The following WDR97 variants were observed in gnomAD, a reference collection of about 807,000 sequenced individuals.
The protein encoded by WDR97 is WD repeat domain 97, also known as WD repeat-containing protein 97.
A neutral mutation model predicts 65.4 loss-of-function variants in WDR97; 111 were observed. The ratio of observed to expected loss-of-function variants is 1.70; its 90% CI spans 1.45 to 1.99. The LOEUF (loss-of-function observed/expected upper bound fraction) is 1.99, where lower values mean the gene tolerates loss of function less well. Among genes scored for constraint, WDR97 ranks in the 30% most tolerant of loss-of-function variants. The pLI is 0.00. For synonymous variants in WDR97, 802 were observed against 397.7 expected (o/e 2.02, Z -12.10); for missense variants, 1,674 against 865.0 (o/e 1.94, Z -11.73).
In WDR97 at chr8:144,111,112, G is replaced by A. The variant is rs1443522981; in HGVS notation, c.2316G>A (p.Arg772=). 1.4e-6 allele frequency: 1 copy of A among 702,664 alleles called. No individual in the cohort carries two copies. The highest frequency in any genetic ancestry group is 2.6e-6 in the Non-Finnish European group (1 of 385,002). The allele number at this position is 702,664 out of a possible 1,614,324, so 43.5% of individuals were successfully genotyped here. A position where few individuals can be genotyped will look rare whatever the true frequency, so the allele number is the denominator to read the frequency against. Residue 772 remains arginine (R), a synonymous_variant, in exon 10 of 24, where the codon CGG becomes CGA. Coordinates refer to ENST00000323662, the MANE Select transcript of WDR97 (RefSeq NM_001316309.2). ...PTSYLVKKMC[R]KAPDVVDDPP... The stretch of plus-strand genomic sequence containing the variant: ...CTTCCCCTATTCAGAAGATGTGCCG[G>A]AAGGCCCCAGACGTGGTGGACGACC...
rs1293056403 is a variant in WDR97, at chr8:144,114,374, G to A, written c.3691G>A (p.Val1231Met). 1.4e-6 allele frequency: 1 copy of A among 702,794 alleles called. No individual in the cohort carries two copies. The highest frequency in any genetic ancestry group is 2.0e-5 in the Admixed American group (1 of 50,010). 43.5% of individuals were successfully genotyped at this position (702,794 alleles called of 1,614,324 possible). ...TWVDRVHILQ[V>M]LLRLLPNMSS... ...GGTCGACCGTGTGCACATCCTGCAGGTGCTACTGAGACTGCTGCCCAACAT... is the reference window on the plus strand; with the variant it reads ...GGTCGACCGTGTGCACATCCTGCAGATGCTACTGAGACTGCTGCCCAACAT... Residue 1231 changes from valine to methionine, a missense_variant, in exon 19 of 24, where the codon GTG becomes ATG. By Grantham distance (21) the Val-to-Met change is conservative (BLOSUM62 1). Transcript: ENST00000323662.
In WDR97 at chr8:144,116,297, G is replaced by C; in HGVS notation, c.*4G>C. ...GGACCCTGACACCTACAGCTGACCG[G>C]ACTGGTGGCCTCAGCCCGCCTGGCT... On this transcript the variant is annotated 3_prime_UTR_variant, in exon 24 of 24. Coordinates refer to ENST00000323662, the MANE Select transcript of WDR97 (RefSeq NM_001316309.2). The C allele has an allele frequency of 3.2e-6, 2 of 616,994 alleles. No individual in the cohort carries two copies. Among genetic ancestry groups the C allele is most frequent in the Non-Finnish European group, 5.9e-6 (2 of 341,492 alleles). The allele number at this position is 616,994 out of a possible 1,614,324, so 38.2% of individuals were successfully genotyped here. A position where few individuals can be genotyped will look rare whatever the true frequency, so the allele number is the denominator to read the frequency against.
intron 12 of WDR97, 44 bp from the exon 13 acceptor site, chr8:144,111,843 C>T: frequency 1.4e-6 from 1 of 699,374 alleles, no homozygotes; most frequent in South Asian, 1.5e-5. Context: ...ACCCACCCCT[C>T]CCACCTGGTC....
chr8:144,109,376 G>T lies in WDR97; in HGVS notation c.1042G>T (p.Val348Leu), dbSNP rs1488678007. Reference protein sequence around the residue: ...AMTVLPNTTLVLSASQDGTLR... With the variant: ...AMTVLPNTTLLLSASQDGTLR... ...GACTGTGCTCCCGAACACGACCCTG[G>T]TGTTGTCGGCCTCGCAGGACGGGAC... Residue 348 changes from valine to leucine, a missense_variant, in exon 5 of 24, where the codon GTG becomes TTG. Val to Leu is a conservative substitution (Grantham distance 32, BLOSUM62 1). Transcript: ENST00000323662. 2 of 702,540 alleles carry T rather than the reference G, an allele frequency of 2.8e-6. No individual in the cohort carries two copies. Among genetic ancestry groups the T allele is most frequent in the African/African-American group, 3.5e-5 (2 of 57,276 alleles). The allele number at this position is 702,540 out of a possible 1,614,324, so 43.5% of individuals were successfully genotyped here.
At position 144,107,993 on chromosome 8, in the gene WDR97, C is replaced by A. The variant is rs149085867; in HGVS notation, c.113-66C>A. On this transcript the variant is annotated intron_variant, in intron 1 of 23. Transcript: ENST00000323662. Reference sequence around the variant, plus strand: ...AGGGCAGGGCCCCTGGAGGAGGGCTCCCCATAACCGTCAGGGTCGAGGACC... The same window carrying A: ...AGGGCAGGGCCCCTGGAGGAGGGCTACCCATAACCGTCAGGGTCGAGGACC... The A allele has an allele frequency of 5.1e-4, 357 of 702,160 alleles. No individual in the cohort carries two copies. The African/African-American group carries it at 5.5e-3, about 11-fold the overall frequency. The allele number at this position is 702,160 out of a possible 1,614,324, so 43.5% of individuals were successfully genotyped here.
rs1836489674 is a variant in WDR97, at chr8:144,109,324, C to T, written c.1001-11C>T. 1 of 701,608 alleles carries T rather than the reference C, an allele frequency of 1.4e-6. No individual in the cohort carries two copies. Among genetic ancestry groups the T allele is most frequent in the African/African-American group, 1.7e-5 (1 of 57,266 alleles). The allele number at this position is 701,608 out of a possible 1,614,324, so 43.5% of individuals were successfully genotyped here. A position where few individuals can be genotyped will look rare whatever the true frequency, so the allele number is the denominator to read the frequency against. ...CTTCAGTCGGCCGAGTGACCTGCACCCCTCCCACAGGCCCGGTGACGGCTA... is the reference window on the plus strand; with the variant it reads ...CTTCAGTCGGCCGAGTGACCTGCACTCCTCCCACAGGCCCGGTGACGGCTA... On this transcript the variant is annotated splice_polypyrimidine_tract_variant and intron_variant, in intron 4 of 23. Coordinates refer to ENST00000323662, the MANE Select transcript of WDR97 (RefSeq NM_001316309.2).
At chr8:144,115,892 G>A (rs1337041418) in intron 22 of WDR97, 34 bp downstream of exon 22, 69 of 699,168 alleles carry the variant, frequency 9.9e-5, no homozygotes, top group Non-Finnish European at 5.2e-6. Context: ...GGCCTGCGTG[G>A]GGCAGCCAAG....
intron 15 of WDR97, chr8:144,113,208 C>G: frequency 1.8e-6 from 1 of 567,182 alleles, no homozygotes; most frequent in Non-Finnish European, 3.1e-6. Context: ...CCAGGTTTCC[C>G]TTCTCGTTTG....
chr8:144,115,720 C>A lies in WDR97; in HGVS notation c.4457C>A (p.Ala1486Glu). The change falls in exon 22 of 24, where the codon GCG (alanine) becomes GAG (glutamate). Residue 1486 changes from alanine to glutamate, a missense_variant. Transcript: ENST00000323662. ...SQLLDLGPID[A>E]LNFFCEQLRA... ...CTGCTGGACTTGGGCCCCATCGACG[C>A]GCTCAACTTCTTCTGTGAGCAGCTG... The A allele has an allele frequency of 2.9e-6, 2 of 701,690 alleles. No individual in the cohort carries two copies. The highest frequency in any genetic ancestry group is 4.0e-5 in the Admixed American group (2 of 49,936). The allele number at this position is 701,690 out of a possible 1,614,324, so 43.5% of individuals were successfully genotyped here.
chr8:144,116,828 A>C lies in WDR97; in HGVS notation c.*535A>C, dbSNP rs1814758742. ...AGCTTTTTTCTGAGCGGCAACGCAGAGCATCCTCTGACCCCTTTAGCCTGA... is the reference window on the plus strand; with the variant it reads ...AGCTTTTTTCTGAGCGGCAACGCAGCGCATCCTCTGACCCCTTTAGCCTGA... On this transcript the variant is annotated 3_prime_UTR_variant, in exon 24 of 24. Coordinates refer to ENST00000323662, the MANE Select transcript of WDR97 (RefSeq NM_001316309.2). 6.6e-6 allele frequency: 1 copy of C among 152,422 alleles called. No individual in the cohort carries two copies. Among genetic ancestry groups the C allele is most frequent in the Admixed American group, 6.5e-5 (1 of 15,286 alleles). 9.4% of individuals were successfully genotyped at this position (152,422 alleles called of 1,614,324 possible).
intron 15 of WDR97, 149 bp downstream of exon 15, chr8:144,112,679 C>T: frequency 1.6e-6 from 1 of 642,220 alleles, no homozygotes; most frequent in Non-Finnish European, 2.8e-6. Context: ...TGTAGCCTCC[C>T]ACGCACCCCT....
rs1836542795 is a variant in WDR97, at chr8:144,111,242, AGCCCTCCTGGAG to A, written c.2426+29_2426+40del. ...CCTCAGGTCCCATGCAGGCCTGCTCAGCCCTCCTGGAGGCCCTCCTTTCCCACTCTGGGTGGG... is the reference window on the plus strand; with the variant it reads ...CCTCAGGTCCCATGCAGGCCTGCTCAGCCCTCCTTTCCCACTCTGGGTGGG... On this transcript the variant is annotated intron_variant, in intron 10 of 23. Transcript: ENST00000323662. 1 of 702,646 alleles carries A rather than the reference AGCCCTCCTGGAG, an allele frequency of 1.4e-6. No individual in the cohort carries two copies. Among genetic ancestry groups the A allele is most frequent in the East Asian group, 2.7e-5 (1 of 37,274 alleles). The allele number at this position is 702,646 out of a possible 1,614,324, so 43.5% of individuals were successfully genotyped here.
Position 144,116,157 on chromosome 8 carries a change from CG to C in WDR97, c.4734del (p.Leu1579CysfsTer97). ...LDGPIRTLKL[P>X]LPRVEPQPFP... ...GGCCCCATCCGGACGCTGAAGCTGCCGTTGCCGCGTGTGGAGCCGCAGCCTT... is the reference window on the plus strand; with the variant it reads ...GGCCCCATCCGGACGCTGAAGCTGCCTTGCCGCGTGTGGAGCCGCAGCCTT... On this transcript the variant is annotated frameshift_variant, in exon 24 of 24. Transcript: ENST00000323662. LOFTEE classifies it low-confidence loss of function (END_TRUNC). 1 of 700,456 alleles carries C rather than the reference CG, an allele frequency of 1.4e-6. No homozygotes were observed. Among genetic ancestry groups the C allele is most frequent in the South Asian group, 1.5e-5 (1 of 67,368 alleles). The allele number at this position is 700,456 out of a possible 1,614,324, so 43.4% of individuals were successfully genotyped here.
Position 144,109,728 on chromosome 8 carries a change from T to C in WDR97, c.1394T>C (p.Ile465Thr), listed in dbSNP as rs1472903340. 1 of 681,328 alleles carries C rather than the reference T, an allele frequency of 1.5e-6. No individual in the cohort carries two copies. The allele number at this position is 681,328 out of a possible 1,614,324, so 42.2% of individuals were successfully genotyped here. Residue 465 changes from isoleucine (I) to threonine (T), a missense_variant, in exon 5 of 24, where the codon ATA becomes ACA. By Grantham distance (89) the Ile-to-Thr change is moderately conservative. Transcript: ENST00000323662. ...CTCCTGTCGGCGGCCACCGGGCGCA[T>C]AGTGAGCTCACTGCTGCTGGAGCCG... ...VYLLSAATGR[I>T]VSSLLLEPED...
At position 144,115,691 on chromosome 8, in the gene WDR97, G is replaced by A. The variant is rs1488609693; in HGVS notation, c.4428G>A (p.Ser1476=). ...PPLEETDWSH[S]QLLDLGPIDA... The stretch of plus-strand genomic sequence containing the variant: ...TGGAGGAGACCGACTGGTCGCACTC[G>A]CAGCTGCTGGACTTGGGCCCCATCG... The change falls in exon 22 of 24, where the codon TCG becomes TCA. Residue 1476 remains serine (S), a synonymous_variant. Coordinates refer to ENST00000323662, the MANE Select transcript of WDR97 (RefSeq NM_001316309.2). 1 of 700,646 alleles carries A rather than the reference G, an allele frequency of 1.4e-6. No individual in the cohort carries two copies. Among genetic ancestry groups the A allele is most frequent in the Non-Finnish European group, 2.6e-6 (1 of 383,952 alleles). 43.4% of individuals were successfully genotyped at this position (700,646 alleles called of 1,614,324 possible). A position where few individuals can be genotyped will look rare whatever the true frequency, so the allele number is the denominator to read the frequency against.
In WDR97 at chr8:144,110,414, C is replaced by T. The variant is rs1836522641; in HGVS notation, c.1917C>T (p.Phe639=). Residue 639 remains phenylalanine (F), a synonymous_variant, in exon 7 of 24, where the codon TTC becomes TTT. Transcript: ENST00000323662. ...AEESLSLLRT[F]SCCYPAVALC... ...AGAGCCTGAGCCTGCTGCGCACCTT[C>T]TCCTGCTGCTACCCGGCCGTGGCGC... 1.4e-6 allele frequency: 1 copy of T among 703,042 alleles called. No individual in the cohort carries two copies. Among genetic ancestry groups the T allele is most frequent in the South Asian group, 1.5e-5 (1 of 67,612 alleles). 43.6% of individuals were successfully genotyped at this position (703,042 alleles called of 1,614,324 possible).
In WDR97 at chr8:144,117,263, ACCTCCAGGCACTACCGCAT is replaced by A. The variant is rs1417698837; in HGVS notation, c.*976_*994del. The stretch of plus-strand genomic sequence containing the variant: ...TGGGCCCAGCTGAACCTGCCTCTTC[ACCTCCAGGCACTACCGCAT>A]CCTCCCACTGCAGAAGGCCAAGGTT... On this transcript the variant is annotated 3_prime_UTR_variant, in exon 24 of 24. Transcript: ENST00000323662. The A allele has an allele frequency of 6.6e-6, 1 of 152,148 alleles. No individual in the cohort carries two copies. Among genetic ancestry groups the A allele is most frequent in the African/African-American group, 2.4e-5 (1 of 41,376 alleles). 9.4% of individuals were successfully genotyped at this position (152,148 alleles called of 1,614,324 possible).
At position 144,109,128 on chromosome 8, in the gene WDR97, G is replaced by C. The variant is rs890022784; in HGVS notation, c.958G>C (p.Glu320Gln). 2.8e-6 allele frequency: 2 copies of C among 702,888 alleles called. No homozygotes were observed. Among genetic ancestry groups the C allele is most frequent in the Non-Finnish European group, 5.2e-6 (2 of 385,012 alleles). The allele number at this position is 702,888 out of a possible 1,614,324, so 43.5% of individuals were successfully genotyped here. ...CCGGGACAGCACCGTGAAGGTGTGG[G>C]AGGCTGACTGGCAGATCCGGATGGT... is the stretch of plus-strand genomic sequence containing the variant. ...ASRDSTVKVW[E>Q]ADWQIRMVFV... Residue 320 changes from glutamate to glutamine, a missense_variant, in exon 4 of 24, where the codon GAG (glutamate) becomes CAG (glutamine). Coordinates refer to ENST00000323662, the MANE Select transcript of WDR97 (RefSeq NM_001316309.2).
At position 144,116,105 on chromosome 8, in the gene WDR97, C is replaced by G. The variant is rs768577632; in HGVS notation, c.4681C>G (p.Arg1561Gly). Residue 1561 changes from arginine to glycine, a missense_variant, in exon 24 of 24, where the codon CGG (arginine) becomes GGG (glycine). Physicochemically the swap from Arg to Gly is moderately radical, Grantham distance 125. Coordinates refer to ENST00000323662, the MANE Select transcript of WDR97 (RefSeq NM_001316309.2). ...AMRLRGPMRS[R>G]LCAGRTLDGP... ...CCCGCCCCCAGGCCCCATGCGGTCC[C>G]GGCTCTGTGCGGGCCGCACCCTGGA... The G allele has an allele frequency of 2.4e-5, 17 of 695,594 alleles. No homozygotes were observed. The highest frequency in any genetic ancestry group is 3.5e-5 in the African/African-American group (2 of 57,036). The allele number at this position is 695,594 out of a possible 1,614,324, so 43.1% of individuals were successfully genotyped here.
Sources: gnomAD v4.1 joint callset for allele counts on GRCh38, gnomAD v4.1.1 for gene constraint, MANE v1.5 for transcripts, NCBI Gene and HGNC (gene_info 2026-07-23, HGNC 2026-07-21) for gene names.